Variants in FHIT observed in about 807,000 individuals in gnomAD.
The protein encoded by FHIT is bis(5'-adenosyl)-triphosphatase.
FHIT carries 19 observed loss-of-function variants against 17.9 expected under a neutral mutation model. The observed-to-expected ratio is 1.06, with a 90% CI of 0.74 to 1.56. FHIT has a LOEUF of 1.56. Among genes scored for constraint, FHIT ranks in the 40% most tolerant of loss-of-function variants. The pLI is 0.00. For missense variants in FHIT, 248 were observed against 189.2 expected, an observed-to-expected ratio of 1.31 and a Z score of -1.82; for synonymous variants, 81 against 69.7, an observed-to-expected ratio of 1.16 and a Z score of -0.81.
chr3:60,714,773 T>G (rs1279432922), intron 4 of FHIT, among the ~76,000 whole-genome samples: 8 of 151,926 alleles, frequency 5.3e-5, no homozygotes, highest in Non-Finnish European at 8.8e-5. Flanking sequence ...CACTGCTCAA[T>G]GAAATAAAAG....
At chr3:60,233,709 T>A (rs2107557897) in intron 5 of FHIT, among the ~76,000 whole-genome samples, 1 of 152,276 alleles carries the variant, frequency 6.6e-6, no homozygotes, top group Non-Finnish European at 1.5e-5. Context: ...ATAATTCCCA[T>A]GTGTCATGGG....
At chr3:60,558,183 A>G (rs181095742) in intron 4 of FHIT, among the ~76,000 whole-genome samples, 3 of 152,044 alleles carry the variant, frequency 2.0e-5, no homozygotes, top group Non-Finnish European at 2.9e-5. Flanking sequence ...CTCAGAAGAC[A>G]GAGGTGTGTG....
chr3:61,106,730 A>G (rs1341375932), intron 2 of FHIT, among the ~76,000 whole-genome samples: 1 of 152,056 alleles, frequency 6.6e-6, no homozygotes, highest in African/African-American at 2.4e-5. Context: ...GGCGCATGTC[A>G]GCTCACTGCA....
intron 5 of FHIT, among the ~76,000 whole-genome samples, chr3:60,362,480 C>T (rs949151082): frequency 2.6e-5 from 4 of 152,038 alleles, no homozygotes; most frequent in Non-Finnish European, 5.9e-5. Context: ...TTGTTTCTAG[C>T]AAGCATGACA....
intron 1 of FHIT, among the ~76,000 whole-genome samples, chr3:61,204,528 G>A (rs1013419196): frequency 1.3e-5 from 2 of 152,112 alleles, no homozygotes; most frequent in African/African-American, 4.8e-5. Context: ...AAGGGAGAAA[G>A]AAGCAAAGGA....
At chr3:59,755,707 G>A in intron 8 of FHIT, among the ~76,000 whole-genome samples, 1 of 152,188 alleles carries the variant, frequency 6.6e-6, no homozygotes, top group Non-Finnish European at 1.5e-5. Context: ...GGGCACCCAG[G>A]TAGGGAGGTT....
At chr3:60,255,902 T>C (rs927816439) in intron 5 of FHIT, among the ~76,000 whole-genome samples, 20 of 152,130 alleles carry the variant, frequency 1.3e-4, no homozygotes, top group Non-Finnish European at 2.6e-4. Flanking sequence ...TGTTCATGGT[T>C]AGTGCTATGG....
intron 1 of FHIT, among the ~76,000 whole-genome samples, chr3:61,204,401 C>G (rs1231453131): frequency 6.6e-6 from 1 of 152,076 alleles, no homozygotes; most frequent in African/African-American, 2.4e-5. Flanking sequence ...CATGTAGGCT[C>G]TATTTCCGAA....
chr3:60,674,762 T>C (rs1334072737), intron 4 of FHIT, among the ~76,000 whole-genome samples: 2 of 152,270 alleles, frequency 1.3e-5, no homozygotes, highest in East Asian at 1.9e-4. Context: ...GGGCAACCAC[T>C]AGTGTCTTTG....
At chr3:60,532,364 C>A (rs1351994090) in intron 5 of FHIT, among the ~76,000 whole-genome samples, 1 of 152,092 alleles carries the variant, frequency 6.6e-6, no homozygotes, top group Non-Finnish European at 1.5e-5. Context: ...TGTTTAAATT[C>A]ATTTTCATGC....
intron 5 of FHIT, among the ~76,000 whole-genome samples, chr3:60,400,980 G>C (rs1231105650): frequency 4.6e-5 from 7 of 151,496 alleles, no homozygotes; most frequent in Non-Finnish European, 1.0e-4. Context: ...GTGCTGCATA[G>C]AAATTGGTGC....
chr3:61,002,679 GT>G (rs903516462), intron 3 of FHIT, among the ~76,000 whole-genome samples: 41 of 151,840 alleles, frequency 2.7e-4, no homozygotes, highest in African/African-American at 9.7e-4. Flanking sequence ...ATTAAAGTTT[GT>G]TTCTTTTTTT....
At chr3:59,958,713 T>G (rs1454397315) in intron 7 of FHIT, among the ~76,000 whole-genome samples, 1 of 152,224 alleles carries the variant, frequency 6.6e-6, no homozygotes, top group East Asian at 1.9e-4. Context: ...GGCCGCTATG[T>G]AATTTCTACT....
chr3:61,227,278 C>A (rs922851912), intron 1 of FHIT, among the ~76,000 whole-genome samples: 1 of 152,014 alleles, frequency 6.6e-6, no homozygotes, highest in Non-Finnish European at 1.5e-5. Context: ...TATTTCAATC[C>A]CTAGTTTAGA....
At chr3:60,583,854 C>G (rs2037823016) in intron 4 of FHIT, among the ~76,000 whole-genome samples, 1 of 152,108 alleles carries the variant, frequency 6.6e-6, no homozygotes, top group South Asian at 2.1e-4. Flanking sequence ...GCTGCCTTCC[C>G]CCAAACCACT....
chr3:60,642,208 G>C (rs1482672774), intron 4 of FHIT, among the ~76,000 whole-genome samples: 1 of 152,218 alleles, frequency 6.6e-6, no homozygotes, highest in South Asian at 2.1e-4. Flanking sequence ...TCAACCTCCT[G>C]GGTCAACAAG....
intron 5 of FHIT, among the ~76,000 whole-genome samples, chr3:60,243,063 TAA>T (rs79498697): frequency 1.0e-4 from 13 of 128,438 alleles, no homozygotes; most frequent in African/African-American, 2.8e-4. Context: ...AGTCCAAAAC[TAA>T]AAAAAAAAAA....
At chr3:59,774,987 T>A (rs1380413039) in intron 8 of FHIT, among the ~76,000 whole-genome samples, 1 of 152,210 alleles carries the variant, frequency 6.6e-6, no homozygotes, top group East Asian at 1.9e-4. Context: ...TCAGACCGAC[T>A]GAACTAAAAA....
intron 4 of FHIT, among the ~76,000 whole-genome samples, chr3:60,557,472 G>C: frequency 6.6e-6 from 1 of 151,998 alleles, no homozygotes. Flanking sequence ...GCTACCCACA[G>C]AGTCTGTCTG....
Sources: gnomAD v4.1 joint callset for allele counts (sites outside exome capture counted in the v4.1 genomes callset) on GRCh38, gnomAD v4.1.1 for gene constraint, MANE v1.5 for transcripts, NCBI Gene and HGNC (gene_info 2026-07-23, HGNC 2026-07-21) for gene names.